Variants in SPOCK1 observed in about 807,000 individuals in gnomAD.
SPOCK1 encodes the protein testican-1.
SPOCK1 carries 23 observed loss-of-function variants against 55.3 expected under a neutral mutation model. The ratio of observed to expected loss-of-function variants is 0.42; its 90% confidence interval spans 0.30 to 0.59. The LOEUF (loss-of-function observed/expected upper bound fraction) is 0.59. SPOCK1 is among the 20% of genes least tolerant of loss of function. The pLI, the probability that SPOCK1 is intolerant of heterozygous loss-of-function variation, is 0.22. For missense variants in SPOCK1, 499 were observed against 552.5 expected, an observed-to-expected ratio of 0.90 and a Z score of 0.97; for synonymous variants, 226 against 221.0, an observed-to-expected ratio of 1.02 and a Z score of -0.20.
chr5:137,221,708 T>C (rs1755851476), intron 3 of SPOCK1, among the ~76,000 whole-genome samples: 2 of 152,236 alleles, frequency 1.3e-5, no homozygotes, highest in Admixed American at 1.3e-4. Flanking sequence ...GTTCATTTTC[T>C]TGGCATGAAT....
intron 4 of SPOCK1, among the ~76,000 whole-genome samples, chr5:137,129,179 C>T (rs1753829542): frequency 6.6e-6 from 1 of 152,202 alleles, no homozygotes; most frequent in Non-Finnish European, 1.5e-5. Flanking sequence ...TATCCATACT[C>T]CTTCTTTCCT....
intron 5 of SPOCK1, among the ~76,000 whole-genome samples, chr5:137,103,420 A>T (rs957057808): frequency 6.6e-6 from 1 of 152,244 alleles, no homozygotes; most frequent in Non-Finnish European, 1.5e-5. Flanking sequence ...GGATGTAAAC[A>T]GAAGTAACAC....
chr5:137,122,838 T>C (rs1753712375), intron 4 of SPOCK1, among the ~76,000 whole-genome samples: 2 of 152,220 alleles, frequency 1.3e-5, no homozygotes, highest in African/African-American at 2.4e-5. Context: ...TTGCTTACAT[T>C]CCTTGAGGGC....
intron 6 of SPOCK1, among the ~76,000 whole-genome samples, chr5:137,018,860 C>T (rs1173148814): frequency 6.6e-6 from 1 of 151,966 alleles, no homozygotes; most frequent in Non-Finnish European, 1.5e-5. Flanking sequence ...TGGAAAAAGG[C>T]AGAGTCAATA....
chr5:137,150,540 T>C (rs987547542), intron 3 of SPOCK1, among the ~76,000 whole-genome samples: 1 of 152,002 alleles, frequency 6.6e-6, no homozygotes, highest in Admixed American at 6.6e-5. Context: ...TCAAGCACTG[T>C]TGGTAAGAGG....
chr5:137,378,977 G>A (rs1409186964), intron 2 of SPOCK1, among the ~76,000 whole-genome samples: 1 of 152,120 alleles, frequency 6.6e-6, no homozygotes, highest in Non-Finnish European at 1.5e-5. Flanking sequence ...GGCTCCACGG[G>A]GTTGGCTGTT....
chr5:137,198,697 T>C (rs11951383), intron 3 of SPOCK1, among the ~76,000 whole-genome samples: 5,283 of 152,320 alleles, frequency 0.035, 179 homozygotes, highest in East Asian at 0.14. Context: ...CCTTGACTTA[T>C]TTGTGGCAAC....
At chr5:137,131,984 AAAAAAATATATATATAT>A (rs1753889642) in intron 4 of SPOCK1, among the ~76,000 whole-genome samples, 1 of 45,808 alleles carries the variant, frequency 2.2e-5, no homozygotes, top group Non-Finnish European at 4.4e-5. Flanking sequence ...AAAAAAAAAA[AAAAAAATATATATATAT>A]ATATATATAT....
At chr5:137,064,831 T>C (rs1245674405) in intron 6 of SPOCK1, among the ~76,000 whole-genome samples, 2 of 152,190 alleles carry the variant, frequency 1.3e-5, no homozygotes, top group African/African-American at 4.8e-5. Flanking sequence ...TAAAGCATTA[T>C]TACTTAAATG....
intron 3 of SPOCK1, among the ~76,000 whole-genome samples, chr5:137,202,547 C>T (rs1755445677): frequency 1.3e-5 from 2 of 152,144 alleles, no homozygotes; most frequent in South Asian, 4.1e-4. Context: ...TTGGTGTTCC[C>T]AGCATGTATA....
chr5:137,071,019 CTTT>C (rs10570894), intron 5 of SPOCK1, among the ~76,000 whole-genome samples: 155 of 141,102 alleles, frequency 1.1e-3, no homozygotes, highest in Middle Eastern at 3.6e-3. Context: ...AGGCCAATTT[CTTT>C]TTTTTTTTTT....
At chr5:137,002,009 A>T (rs189241371) in intron 6 of SPOCK1, among the ~76,000 whole-genome samples, 1 of 152,328 alleles carries the variant, frequency 6.6e-6, no homozygotes, top group East Asian at 1.9e-4. Flanking sequence ...TGCCTAAAAC[A>T]TCAATATATA....
chr5:137,308,959 G>T (rs1170099166), intron 2 of SPOCK1, among the ~76,000 whole-genome samples: 1 of 152,062 alleles, frequency 6.6e-6, no homozygotes, highest in African/African-American at 2.4e-5. Flanking sequence ...TAAAAAAAAT[G>T]ACTGGAGAAA....
At chr5:137,184,926 G>A (rs1312054944) in intron 3 of SPOCK1, among the ~76,000 whole-genome samples, 1 of 152,138 alleles carries the variant, frequency 6.6e-6, no homozygotes, top group Non-Finnish European at 1.5e-5. Flanking sequence ...CCGCCTCAGA[G>A]ATGCCACTCC....
intron 6 of SPOCK1, among the ~76,000 whole-genome samples, chr5:137,044,359 A>C (rs754180510): frequency 2.0e-5 from 3 of 152,232 alleles, no homozygotes; most frequent in Non-Finnish European, 4.4e-5. Context: ...TGAAAGTTTT[A>C]ACCAAAGCAT....
chr5:137,193,336 G>A (rs760061826), intron 3 of SPOCK1, among the ~76,000 whole-genome samples: 3 of 152,144 alleles, frequency 2.0e-5, no homozygotes, highest in Admixed American at 1.3e-4. Context: ...AAAGCCTTGG[G>A]GATTGACTGG....
intron 5 of SPOCK1, among the ~76,000 whole-genome samples, chr5:137,076,639 C>T (rs959037217): frequency 2.0e-5 from 3 of 147,146 alleles, no homozygotes; most frequent in Non-Finnish European, 1.5e-5. Flanking sequence ...GAATGGTTGA[C>T]GGGTAGCCAA....
chr5:136,990,944 G>A (rs531592104), intron 7 of SPOCK1, among the ~76,000 whole-genome samples: 28 of 152,214 alleles, frequency 1.8e-4, no homozygotes, highest in Admixed American at 3.9e-4. Flanking sequence ...GGCCCCAAGA[G>A]TGCAGGGACC....
intron 4 of SPOCK1, among the ~76,000 whole-genome samples, chr5:137,131,461 A>T (rs1165556209): frequency 6.6e-6 from 1 of 151,640 alleles, no homozygotes; most frequent in African/African-American, 2.4e-5. Flanking sequence ...TACAAAAATT[A>T]GCCAGGCATG....
Sources: allele counts gnomAD v4.1 joint callset (sites outside exome capture counted in the v4.1 genomes callset), GRCh38; gene constraint gnomAD v4.1.1; transcripts MANE v1.5; gene names NCBI Gene and HGNC (gene_info 2026-07-23, HGNC 2026-07-21).